Variants in KIF26B observed in about 807,000 individuals in gnomAD.
The protein encoded by KIF26B is kinesin-like protein KIF26B.
Under a neutral mutation model 151.2 loss-of-function variants are expected in KIF26B, and 63 were observed. The ratio of observed to expected loss-of-function variants is 0.42; its 90% CI spans 0.34 to 0.51. The LOEUF is 0.51. Among genes scored for constraint, KIF26B ranks in the 20% least tolerant of loss-of-function variants. The probability of loss-of-function intolerance (pLI) is 0.07; values close to 1 mark genes in which losing one functional copy is unlikely to be tolerated. For missense variants in KIF26B, 2,813 were observed against 2,913.6 expected, an observed-to-expected ratio of 0.97 and a Z score of 0.79; for synonymous variants, 1,357 against 1,262.1, an observed-to-expected ratio of 1.08 and a Z score of -1.59.
At chr1:245,363,176 A>G (rs540721763) in intron 2 of KIF26B, among the ~76,000 whole-genome samples, 7 of 152,266 alleles carry the variant, frequency 4.6e-5, no homozygotes, top group Admixed American at 2.0e-4. Context: ...CGAGGCATCT[A>G]TGGCTCTGAA....
intron 5 of KIF26B, among the ~76,000 whole-genome samples, chr1:245,547,266 G>A (rs906026066): frequency 1.1e-4 from 17 of 152,328 alleles, no homozygotes; most frequent in Admixed American, 9.1e-4. Flanking sequence ...TTACTGGGCA[G>A]GAAAGTCATC....
At chr1:245,575,742 A>T (rs1023887233) in intron 5 of KIF26B, among the ~76,000 whole-genome samples, 4 of 152,166 alleles carry the variant, frequency 2.6e-5, no homozygotes. Context: ...TGCTGTCAAT[A>T]TCATAATATC....
intron 2 of KIF26B, among the ~76,000 whole-genome samples, chr1:245,283,925 A>G (rs1001048044): frequency 1.3e-5 from 2 of 152,122 alleles, no homozygotes. Flanking sequence ...TGACCTTGTG[A>G]TCTGCCTGCC....
At chr1:245,617,688 A>G (rs919944518) in intron 9 of KIF26B, among the ~76,000 whole-genome samples, 1 of 152,038 alleles carries the variant, frequency 6.6e-6, no homozygotes, top group Non-Finnish European at 1.5e-5. Context: ...TTTGTAATCT[A>G]TATGTTTTTA....
intron 9 of KIF26B, among the ~76,000 whole-genome samples, chr1:245,629,953 CATTT>C (rs2043763359): frequency 6.6e-6 from 1 of 152,166 alleles, no homozygotes; most frequent in African/African-American, 2.4e-5. Flanking sequence ...CAAAAGAAGA[CATTT>C]ATGTGGCCAA....
Position 245,446,527 on chromosome 1 carries a change from G to A in KIF26B, c.1166+26782G>A, listed in dbSNP as rs148839830. Among the ~76,000 whole-genome samples, 189 of 152,246 alleles carry A rather than the reference G, an allele frequency of 1.2e-3. 1 individual carries two copies. The highest frequency in any genetic ancestry group is 2.3e-3 in the Non-Finnish European group (157 of 67,998). The stretch of plus-strand genomic sequence containing the variant: ...ACTGCTCTACAATAGGCTCAGGAAG[G>A]CATCGTGTCTGAGGGCCCAGGCTAC... On this transcript the variant is annotated intron_variant, in intron 4 of 14. Transcript: ENST00000407071.
chr1:245,379,243 T>G (rs1673346099), intron 3 of KIF26B, among the ~76,000 whole-genome samples: 1 of 152,220 alleles, frequency 6.6e-6, no homozygotes, highest in Non-Finnish European at 1.5e-5. Context: ...TTTAAGTAGA[T>G]GTGATCTCAT....
chr1:245,539,743 C>T (rs1661564089), intron 4 of KIF26B, among the ~76,000 whole-genome samples: 1 of 152,194 alleles, frequency 6.6e-6, no homozygotes, highest in Non-Finnish European at 1.5e-5. Context: ...ACCTCCGCCT[C>T]CTGGGTTCAA....
chr1:245,234,817 A>G (rs1344618722), intron 2 of KIF26B, among the ~76,000 whole-genome samples: 2 of 152,176 alleles, frequency 1.3e-5, no homozygotes, highest in Admixed American at 6.5e-5. Context: ...CCGGCCTGCT[A>G]TTAAGTGTTT....
chr1:245,539,101 G>C (rs533386575), intron 4 of KIF26B, among the ~76,000 whole-genome samples: 2 of 152,236 alleles, frequency 1.3e-5, no homozygotes, highest in South Asian at 2.1e-4. Flanking sequence ...GGGTGACTTA[G>C]GGTATCTTCC....
intron 2 of KIF26B, among the ~76,000 whole-genome samples, chr1:245,178,554 C>T (rs894535878): frequency 6.6e-6 from 1 of 152,154 alleles, no homozygotes; most frequent in African/African-American, 2.4e-5. Flanking sequence ...TATCATTGCA[C>T]GGCCATCGCC....
intron 4 of KIF26B, among the ~76,000 whole-genome samples, chr1:245,530,393 G>T (rs1661334773): frequency 6.6e-6 from 1 of 152,174 alleles, no homozygotes; most frequent in South Asian, 2.1e-4. Flanking sequence ...CATGTTTATT[G>T]CAGCACTATT....
intron 4 of KIF26B, among the ~76,000 whole-genome samples, chr1:245,460,775 A>G (rs1278682234): frequency 6.6e-6 from 1 of 152,208 alleles, no homozygotes; most frequent in Admixed American, 6.5e-5. Context: ...ACCTGCACAC[A>G]TGTGTGCTTA....
intron 9 of KIF26B, among the ~76,000 whole-genome samples, chr1:245,634,509 A>G (rs2043814397): frequency 6.6e-6 from 1 of 152,196 alleles, no homozygotes; most frequent in South Asian, 2.1e-4. Flanking sequence ...CCTTCTACTT[A>G]TATATTGCTG....
chr1:245,360,940 T>A (rs1244735007), intron 2 of KIF26B, among the ~76,000 whole-genome samples: 2 of 152,070 alleles, frequency 1.3e-5, no homozygotes, highest in African/African-American at 2.4e-5. Flanking sequence ...CTTGATGCAG[T>A]GAGCCAAAAT....
At chr1:245,282,400 C>G (rs1263020519) in intron 2 of KIF26B, among the ~76,000 whole-genome samples, 1 of 152,174 alleles carries the variant, frequency 6.6e-6, no homozygotes, top group African/African-American at 2.4e-5. Context: ...TCTCTTAGAG[C>G]CAGGTGGCAA....
At chr1:245,608,938 G>A (rs1462077348) in intron 7 of KIF26B, among the ~76,000 whole-genome samples, 2 of 151,882 alleles carry the variant, frequency 1.3e-5, no homozygotes, top group East Asian at 3.9e-4. Context: ...ATTTTTCATA[G>A]AGGCAGGGTC....
intron 2 of KIF26B, among the ~76,000 whole-genome samples, chr1:245,194,372 CA>C (rs1669157725): frequency 6.6e-6 from 1 of 152,138 alleles, no homozygotes; most frequent in African/African-American, 2.4e-5. Context: ...AGTGACACTG[CA>C]AACAAAACTC....
At chr1:245,302,970 T>A (rs1460476994) in intron 2 of KIF26B, among the ~76,000 whole-genome samples, 7 of 95,460 alleles carry the variant, frequency 7.3e-5, no homozygotes, top group African/African-American at 1.3e-4. Context: ...GCCTGGGCAA[T>A]AGAGCAAGAC....
Sources: gnomAD v4.1 joint callset for allele counts (sites outside exome capture counted in the v4.1 genomes callset) on GRCh38, gnomAD v4.1.1 for gene constraint, MANE v1.5 for transcripts, NCBI Gene and HGNC (gene_info 2026-07-23, HGNC 2026-07-21) for gene names.